Variants in MYO18B observed in about 807,000 individuals in gnomAD.
MYO18B encodes unconventional myosin-XVIIIb.
MYO18B carries 204 observed loss-of-function variants against 273.0 expected under a neutral mutation model. The ratio of observed to expected loss-of-function variants is 0.75; its 90% CI spans 0.67 to 0.84. The LOEUF (loss-of-function observed/expected upper bound fraction) is 0.84. Among genes scored for constraint, MYO18B ranks in the 40% least tolerant of loss-of-function variants. The pLI is 0.00. For synonymous variants in MYO18B, 1,330 were observed against 1,305.7 expected (o/e 1.02, Z -0.40); for missense variants, 3,212 against 3,287.6 (o/e 0.98, Z 0.56).
chr22:25,891,131 G>A (rs2091650558), intron 26 of MYO18B, among the ~76,000 whole-genome samples, 173 bp from the exon 27 acceptor site: 1 of 152,162 alleles, frequency 6.6e-6, no homozygotes. Flanking sequence ...GGCCTTGGAG[G>A]TGATTTGGGT....
chr22:25,965,763 C>T (rs189187014), intron 39 of MYO18B, among the ~76,000 whole-genome samples: 1 of 152,262 alleles, frequency 6.6e-6, no homozygotes, highest in East Asian at 1.9e-4. Flanking sequence ...AAGCTTGTAT[C>T]ATTTAATCTT....
At chr22:25,937,595 T>C (rs1291280304) in intron 34 of MYO18B, among the ~76,000 whole-genome samples, 2 of 151,424 alleles carry the variant, frequency 1.3e-5, no homozygotes, top group Non-Finnish European at 2.9e-5. Flanking sequence ...CTTTTTTTTT[T>C]TTTTTTTGAG....
At chr22:25,905,595 C>T (rs180790940) in intron 31 of MYO18B, among the ~76,000 whole-genome samples, 4 of 152,256 alleles carry the variant, frequency 2.6e-5, no homozygotes, top group African/African-American at 4.8e-5. Flanking sequence ...TGAGAGAGTT[C>T]TAGGCAGGGG....
At chr22:25,835,490 A>G (rs2089865302) in intron 17 of MYO18B, 47 bp downstream of exon 17, 3 of 1,609,354 alleles carry the variant, frequency 1.9e-6, no homozygotes, top group African/African-American at 1.3e-5. Flanking sequence ...CAGCCTGGGT[A>G]TTAGAATCTG....
Position 26,026,977 on chromosome 22 carries a change from G to C in MYO18B, c.7003G>C (p.Gly2335Arg), listed in dbSNP as rs773561142. 1.9e-6 allele frequency: 3 copies of C among 1,613,878 alleles called. No individual in the cohort carries two copies. Among genetic ancestry groups the C allele is most frequent in the Non-Finnish European group, 2.5e-6 (3 of 1,179,882 alleles). The change falls in exon 43 of 44, where the codon GGG becomes CGG. Residue 2335 changes from glycine to arginine, a missense_variant. Gly to Arg is a moderately radical substitution (Grantham distance 125). Coordinates refer to ENST00000335473, the MANE Select transcript of MYO18B (RefSeq NM_032608.7). ...CAAATGCATCTCTTCAGACGGTGTT[G>C]GGGGCACAACCCTACTCCCCGAAAA... ...SLKCISSDGV[G>R]GTTLLPEKSK...
intron 26 of MYO18B, 86 bp from the exon 27 acceptor site, chr22:25,891,218 C>A: frequency 9.6e-7 from 1 of 1,038,904 alleles, no homozygotes; most frequent in Non-Finnish European, 1.4e-6. Context: ...GTGGCCAATC[C>A]GAGCCTTGGA....
At chr22:25,923,894 A>C (rs1371992104) in intron 34 of MYO18B, among the ~76,000 whole-genome samples, 1 of 152,004 alleles carries the variant, frequency 6.6e-6, no homozygotes, top group African/African-American at 2.4e-5. Context: ...TTAAGTATTC[A>C]TGAGAATTCT....
intron 12 of MYO18B, among the ~76,000 whole-genome samples, 196 bp downstream of exon 12, chr22:25,798,293 A>G (rs1207904939): frequency 6.6e-6 from 1 of 152,180 alleles, no homozygotes; most frequent in African/African-American, 2.4e-5. Flanking sequence ...CAAACCTTCT[A>G]GACCAGCTCT....
At chr22:25,917,136 A>T (rs1160188586) in intron 33 of MYO18B, among the ~76,000 whole-genome samples, 1 of 152,210 alleles carries the variant, frequency 6.6e-6, no homozygotes, top group Non-Finnish European at 1.5e-5. Context: ...AAATGAATCA[A>T]CCTTGTTAAA....
At chr22:25,960,807 G>C (rs895394706) in intron 39 of MYO18B, among the ~76,000 whole-genome samples, 2 of 152,112 alleles carry the variant, frequency 1.3e-5, no homozygotes, top group Non-Finnish European at 2.9e-5. Flanking sequence ...CCCTGCAGGA[G>C]ATCCTTCAAG....
Position 26,030,708 on chromosome 22 carries a change from G to A in MYO18B, c.*278G>A, listed in dbSNP as rs1226970296. On this transcript the variant is annotated 3_prime_UTR_variant, in exon 44 of 44. Transcript: ENST00000335473. ...GAGAGTTGATGGGGTGCAGATAGGG[G>A]TAGGACTGTTAGAATAGAACCAACC... is the stretch of plus-strand genomic sequence containing the variant. 1 of 384,606 alleles carries A rather than the reference G, an allele frequency of 2.6e-6. No individual in the cohort carries two copies. The highest frequency in any genetic ancestry group is 4.6e-6 in the Non-Finnish European group (1 of 217,624). 23.8% of individuals were successfully genotyped at this position (384,606 alleles called of 1,614,324 possible). A position where few individuals can be genotyped will look rare whatever the true frequency, so the allele number is the denominator to read the frequency against.
chr22:25,902,475 C>T (rs953553665), intron 29 of MYO18B, 138 bp from the exon 30 acceptor site: 2 of 960,496 alleles, frequency 2.1e-6, no homozygotes, highest in Non-Finnish European at 3.0e-6. Context: ...CTTTCTCTAT[C>T]TCTCTTCTTC....
At chr22:26,011,165 C>T (rs982384540) in intron 42 of MYO18B, among the ~76,000 whole-genome samples, 16 of 151,392 alleles carry the variant, frequency 1.1e-4, no homozygotes, top group African/African-American at 3.6e-4. Flanking sequence ...CTGCTGTCTT[C>T]TATGTTGGTT....
chr22:25,781,814 T>C lies in MYO18B; in HGVS notation c.2292T>C (p.Ala764=), dbSNP rs763600589. The C allele has an allele frequency of 1.3e-6, 2 of 1,589,184 alleles. No homozygotes were observed. Among genetic ancestry groups the C allele is most frequent in the Non-Finnish European group, 1.7e-6 (2 of 1,169,142 alleles). The change falls in exon 10 of 44, where the codon GCT becomes GCC. Residue 764 remains alanine (A), a synonymous_variant. Transcript: ENST00000335473. The part of the protein sequence containing the change: ...SNFLVFSQML[A]GLDLDLRTEL... ...TCCTGGTTTTCTCCCAGATGCTGGC[T>C]GGATTGGACTTGGATCTCAGGTGAG...
At chr22:25,984,815 A>C (rs2093184188) in intron 39 of MYO18B, among the ~76,000 whole-genome samples, 2 of 151,554 alleles carry the variant, frequency 1.3e-5, no homozygotes, top group Admixed American at 6.6e-5. Context: ...AAAAAAAAAA[A>C]GTGTAGCAGA....
At chr22:25,789,269 C>T (rs553195387) in intron 11 of MYO18B, among the ~76,000 whole-genome samples, 3 of 151,932 alleles carry the variant, frequency 2.0e-5, no homozygotes, top group African/African-American at 4.8e-5. Context: ...CTTGTTTTCC[C>T]TCTTACTGAA....
intron 34 of MYO18B, among the ~76,000 whole-genome samples, chr22:25,941,900 C>G (rs2092648893): frequency 6.6e-6 from 1 of 152,188 alleles, no homozygotes; most frequent in Admixed American, 6.5e-5. Context: ...TGCTGAGGCC[C>G]TGCTTATCCT....
chr22:25,848,549 T>C (rs1013739551), intron 20 of MYO18B, among the ~76,000 whole-genome samples: 12 of 152,172 alleles, frequency 7.9e-5, no homozygotes, highest in African/African-American at 2.7e-4. Flanking sequence ...AATGCCTCTG[T>C]TGGGTTATCA....
chr22:25,843,902 G>A lies in MYO18B; in HGVS notation c.3368+8G>A. ...CCTGCACCAGTCAAAAAGGTGAGTT[G>A]GGTCAGGGTTGGGGACGGGGATGGA... On this transcript the variant is annotated splice_region_variant and intron_variant, in intron 18 of 43. Transcript: ENST00000335473. 6.3e-7 allele frequency: 1 copy of A among 1,595,960 alleles called. No individual in the cohort carries two copies. The highest frequency in any genetic ancestry group is 1.1e-5 in the South Asian group (1 of 90,502).
Sources: gnomAD v4.1 joint callset for allele counts (sites outside exome capture counted in the v4.1 genomes callset) on GRCh38, gnomAD v4.1.1 for gene constraint, MANE v1.5 for transcripts, NCBI Gene and HGNC (gene_info 2026-07-23, HGNC 2026-07-21) for gene names.